PDE4D: variants seen among roughly 807,000 people sequenced by gnomAD.
PDE4D encodes phosphodiesterase 4D.
PDE4D carries 24 observed loss-of-function variants against 87.4 expected under a neutral mutation model. The observed-to-expected ratio is 0.27, with a 90% CI of 0.20 to 0.39. The LOEUF (loss-of-function observed/expected upper bound fraction) is 0.39. Ranked by LOEUF, PDE4D falls within the 10% of genes least tolerant of loss-of-function variation. The probability of loss-of-function intolerance (pLI) is 1.00; values close to 1 mark genes in which losing one functional copy is unlikely to be tolerated. For synonymous variants in PDE4D, 384 were observed against 383.2 expected (o/e 1.00, Z -0.02); for missense variants, 714 against 1,041.0 (o/e 0.69, Z 4.32).
At chr5:60,109,981 T>C (rs1777504295) in intron 2 of PDE4D, among the ~76,000 whole-genome samples, 1 of 152,078 alleles carries the variant, frequency 6.6e-6, no homozygotes, top group South Asian at 2.1e-4. Context: ...CTGCACATTG[T>C]GCACATGTAC....
At chr5:59,959,559 C>T (rs1028428234) in intron 3 of PDE4D, among the ~76,000 whole-genome samples, 5 of 152,094 alleles carry the variant, frequency 3.3e-5, no homozygotes, top group East Asian at 1.9e-4. Context: ...TAAAGCTGCA[C>T]GCCTACAGCC....
At chr5:59,628,831 G>T (rs1831213256) in intron 1 of PDE4D, among the ~76,000 whole-genome samples, 1 of 152,196 alleles carries the variant, frequency 6.6e-6, no homozygotes, top group African/African-American at 2.4e-5. Flanking sequence ...CACTAATAAA[G>T]ACATACCTGA....
chr5:59,045,437 C>T (rs1760450044), intron 5 of PDE4D, among the ~76,000 whole-genome samples: 1 of 151,964 alleles, frequency 6.6e-6, no homozygotes, highest in East Asian at 1.9e-4. Flanking sequence ...CCTATATTCC[C>T]AGCTACTTGG....
intron 1 of PDE4D, among the ~76,000 whole-genome samples, chr5:59,721,551 A>G (rs1001995901): frequency 6.6e-6 from 1 of 152,158 alleles, no homozygotes; most frequent in Non-Finnish European, 1.5e-5. Context: ...CATTTTACAT[A>G]TAGGAAAATT....
At chr5:59,813,382 C>T (rs1310481307) in intron 1 of PDE4D, among the ~76,000 whole-genome samples, 1 of 151,882 alleles carries the variant, frequency 6.6e-6, no homozygotes, top group African/African-American at 2.4e-5. Context: ...CCAGTACCAG[C>T]TTTAATGTTT....
intron 3 of PDE4D, among the ~76,000 whole-genome samples, chr5:59,914,905 GTGTGTGTA>G (rs1203091553): frequency 4.2e-4 from 56 of 132,462 alleles, no homozygotes; most frequent in Middle Eastern, 3.9e-3. Flanking sequence ...GTGTGTGTGT[GTGTGTGTA>G]TGTGTGTAAA....
chr5:59,671,293 A>C (rs61146095), intron 1 of PDE4D, among the ~76,000 whole-genome samples: 10,947 of 152,236 alleles, frequency 0.072, 1,220 homozygotes, highest in African/African-American at 0.24. Context: ...TCAGGCAGGC[A>C]GATCGCCATT....
rs566747332 is a variant in PDE4D at position 60,195,042 on chromosome 5, C to T, written c.-89-9355G>A. ...TTTGCATACGCCATACGGTTTCTCA[C>T]CTCCCTGTCCTCTGTCTTGGACTTT... On this transcript the variant is annotated intron_variant, in intron 1 of 16. Transcript: ENST00000502484. Among the ~76,000 whole-genome samples the T allele has an allele frequency of 2.6e-5, 4 of 151,716 alleles. No individual in the cohort carries two copies. The South Asian group carries it at 8.3e-4, about 32-fold the overall frequency.
At chr5:59,708,533 A>G (rs1753767991) in intron 1 of PDE4D, among the ~76,000 whole-genome samples, 1 of 152,186 alleles carries the variant, frequency 6.6e-6, no homozygotes, top group South Asian at 2.1e-4. Flanking sequence ...TATGGAGCTT[A>G]TGAGAATAGG....
intron 1 of PDE4D, among the ~76,000 whole-genome samples, chr5:60,304,657 A>C (rs1358400327): frequency 1.3e-5 from 2 of 149,116 alleles, no homozygotes; most frequent in African/African-American, 5.0e-5. Flanking sequence ...GTCTCAAAAA[A>C]AAAAAAAAAA....
At chr5:60,279,464 A>G (rs1751680481) in intron 1 of PDE4D, among the ~76,000 whole-genome samples, 1 of 152,120 alleles carries the variant, frequency 6.6e-6, no homozygotes, top group Admixed American at 6.5e-5. Context: ...GAATCTCAAA[A>G]AAGTAAAAAC....
chr5:59,868,732 T>C (rs1296282014), intron 1 of PDE4D, among the ~76,000 whole-genome samples: 1 of 152,198 alleles, frequency 6.6e-6, no homozygotes, highest in African/African-American at 2.4e-5. Flanking sequence ...GAACGACAGT[T>C]TACCAAGTTT....
chr5:59,994,326 T>G (rs549648030), intron 2 of PDE4D, among the ~76,000 whole-genome samples: 1 of 151,608 alleles, frequency 6.6e-6, no homozygotes, highest in African/African-American at 2.4e-5. Context: ...TATACACACA[T>G]ACAGTATATG....
At chr5:60,097,722 C>T (rs1435941692) in intron 2 of PDE4D, among the ~76,000 whole-genome samples, 3 of 151,594 alleles carry the variant, frequency 2.0e-5, no homozygotes, top group South Asian at 4.2e-4. Context: ...TATTTATTTA[C>T]TCATTCAATA....
intron 3 of PDE4D, chr5:59,987,501 G>GT (rs1282095455): frequency 6.6e-6 from 1 of 152,114 alleles, no homozygotes; most frequent in African/African-American, 2.4e-5. Flanking sequence ...GCTAAATTCA[G>GT]TATCTTTGAG....
intron 2 of PDE4D, among the ~76,000 whole-genome samples, chr5:60,037,074 T>A (rs1767891825): frequency 6.6e-6 from 1 of 152,178 alleles, no homozygotes; most frequent in Admixed American, 6.5e-5. Flanking sequence ...CATGCCAGGT[T>A]AATTCACATA....
Position 60,219,301 on chromosome 5 carries a change from T to A in PDE4D, c.-89-33614A>T, listed in dbSNP as rs983644782. On this transcript the variant is annotated intron_variant, in intron 1 of 16. Coordinates refer to the PDE4D transcript ENST00000502484. The stretch of plus-strand genomic sequence containing the variant: ...ATTGTTGTTACAATAGATGTATGAC[T>A]TTTGTCAATTTGTTTTGAGAAGTGA... Among the ~76,000 whole-genome samples, 5 of 152,294 alleles carry A rather than the reference T, an allele frequency of 3.3e-5. No homozygotes were observed. The East Asian group carries it at 9.7e-4, about 29-fold the overall frequency.
At chr5:60,147,926 A>T (rs1032864149) in intron 2 of PDE4D, 11 of 355,666 alleles carry the variant, frequency 3.1e-5, no homozygotes, top group African/African-American at 2.2e-4. Flanking sequence ...CAGTTTTTAT[A>T]ACCTAACCTC....
At chr5:59,659,033 A>T (rs1218783792) in intron 1 of PDE4D, among the ~76,000 whole-genome samples, 1 of 152,202 alleles carries the variant, frequency 6.6e-6, no homozygotes, top group Admixed American at 6.5e-5. Context: ...AATGCAACTT[A>T]AATTTTTAAG....
Sources: allele counts gnomAD v4.1 joint callset (sites outside exome capture counted in the v4.1 genomes callset), GRCh38; gene constraint gnomAD v4.1.1; transcripts MANE v1.5; gene names NCBI Gene and HGNC (gene_info 2026-07-23, HGNC 2026-07-21).